Variants in FREM2 observed in about 807,000 individuals in gnomAD.
The protein encoded by FREM2 is FRAS1 related extracellular matrix 2.
In FREM2, 119 loss-of-function variants were observed where a neutral mutation model predicts 219.9. The observed-to-expected ratio is 0.54, with a 90% CI of 0.47 to 0.63. The LOEUF (loss-of-function observed/expected upper bound fraction) is 0.63, where lower values mean the gene tolerates loss of function less well. Among genes scored for constraint, FREM2 ranks in the 30% least tolerant of loss-of-function variants. The pLI, the probability that FREM2 is intolerant of heterozygous loss-of-function variation, is 0.00. For synonymous variants in FREM2, 1,562 were observed against 1,522.8 expected (o/e 1.03, Z -0.60); for missense variants, 4,030 against 3,993.6 (o/e 1.01, Z -0.25).
intron 17 of FREM2, 113 bp from the exon 18 acceptor site, chr13:38,874,369 T>C: frequency 1.2e-6 from 1 of 806,902 alleles, no homozygotes; most frequent in Middle Eastern, 2.5e-4. Flanking sequence ...ATAATACCCT[T>C]TGCCCAGAAT....
At chr13:38,794,580 T>C (rs1874694054) in intron 6 of FREM2, among the ~76,000 whole-genome samples, 1 of 152,184 alleles carries the variant, frequency 6.6e-6, no homozygotes, top group Non-Finnish European at 1.5e-5. Context: ...AGCTTTTTGG[T>C]CAAATTTTAT....
chr13:38,720,793 G>A (rs1213464567), intron 2 of FREM2, among the ~76,000 whole-genome samples: 1 of 152,210 alleles, frequency 6.6e-6, no homozygotes, highest in Admixed American at 6.5e-5. Flanking sequence ...ACTGAATCTA[G>A]ATAGGATGAG....
intron 2 of FREM2, among the ~76,000 whole-genome samples, chr13:38,739,752 G>A (rs7320181): frequency 0.059 from 8,918 of 152,194 alleles, 848 homozygotes; most frequent in African/African-American, 0.2. Context: ...TCTACACGGT[G>A]GTTCTAAGAG....
intron 2 of FREM2, among the ~76,000 whole-genome samples, chr13:38,737,160 A>G (rs2137775067): frequency 6.6e-6 from 1 of 152,236 alleles, no homozygotes; most frequent in African/African-American, 2.4e-5. Context: ...GGACTATGTC[A>G]CCTTCATTTT....
At chr13:38,833,986 A>C (rs908918811) in intron 6 of FREM2, among the ~76,000 whole-genome samples, 3 of 152,102 alleles carry the variant, frequency 2.0e-5, no homozygotes, top group African/African-American at 7.2e-5. Flanking sequence ...AGAGGAAAAA[A>C]TTTCAAAGCT....
rs1874256476 is a variant in FREM2, at chr13:38,784,711, G to A, written c.5922G>A (p.Glu1974=). The A allele has an allele frequency of 6.2e-7, 1 of 1,614,144 alleles. No homozygotes were observed. The highest frequency in any genetic ancestry group is 8.5e-7 in the Non-Finnish European group (1 of 1,179,998). Residue 1974 remains glutamate (E), a synonymous_variant, in exon 6 of 24, where the codon GAG becomes GAA. Coordinates refer to ENST00000280481, the MANE Select transcript of FREM2 (RefSeq NM_207361.6). The part of the protein sequence containing the change: ...VIIDDSLYEE[E]ETFHVLLSMP... ...TTGATGACTCTTTGTACGAGGAGGA[G>A]GAAACCTTCCATGTCCTTCTGAGCA...
At position 38,691,126 on chromosome 13, in the gene FREM2, C is replaced by T. The variant is rs766260880; in HGVS notation, c.3782C>T (p.Ser1261Phe). The stretch of plus-strand genomic sequence containing the variant: ...ACCTTGGATCAGATCATAGAGAGTT[C>T]CAGCATTATTTATGAGCATGATGAC... ...SFTLDQIIES[S>F]SIIYEHDDSE... Residue 1261 changes from serine (S) to phenylalanine (F), a missense_variant, in exon 1 of 24, where the codon TCC becomes TTC. Physicochemically the swap from Ser to Phe is radical, Grantham distance 155 (BLOSUM62 -2). Around this residue, in one of 2 missense-constraint regions of FREM2, gnomAD observed 3,102 missense variants for 2,950.7 expected, o/e 1.05. Transcript: ENST00000280481. The T allele has an allele frequency of 1.9e-6, 3 of 1,613,910 alleles. No individual in the cohort carries two copies. Among genetic ancestry groups the T allele is most frequent in the Non-Finnish European group, 2.5e-6 (3 of 1,179,982 alleles).
chr13:38,729,389 G>T (rs954407746), intron 2 of FREM2, among the ~76,000 whole-genome samples: 3 of 152,006 alleles, frequency 2.0e-5, no homozygotes, highest in Non-Finnish European at 4.4e-5. Context: ...CCACATTGCT[G>T]TCTAAAAAGA....
chr13:38,793,580 T>C (rs2496409), intron 6 of FREM2, among the ~76,000 whole-genome samples: 90,530 of 152,108 alleles, frequency 0.6, 27,368 homozygotes, highest in Non-Finnish European at 0.65. Context: ...AAAAGAGTTG[T>C]GTTTCATTCT....
chr13:38,852,395 G>A (rs1322850684), intron 11 of FREM2, among the ~76,000 whole-genome samples: 1 of 152,116 alleles, frequency 6.6e-6, no homozygotes, highest in East Asian at 1.9e-4. Context: ...TTGAGTAAAT[G>A]TGCTAAATAA....
intron 16 of FREM2, among the ~76,000 whole-genome samples, chr13:38,872,400 A>G (rs1331562906): frequency 6.6e-6 from 1 of 152,180 alleles, no homozygotes; most frequent in Non-Finnish European, 1.5e-5. Context: ...ACTAAGAACC[A>G]TTGAACTGTT....
intron 4 of FREM2, among the ~76,000 whole-genome samples, chr13:38,771,830 T>G (rs1217990520): frequency 2.6e-5 from 4 of 152,168 alleles, no homozygotes; most frequent in Admixed American, 1.3e-4. Context: ...AAAACAGCTT[T>G]TAATAAAATT....
chr13:38,818,320 G>C (rs1358409674), intron 6 of FREM2, among the ~76,000 whole-genome samples: 1 of 151,944 alleles, frequency 6.6e-6, no homozygotes, highest in African/African-American at 2.4e-5. Flanking sequence ...AAAAAATGTG[G>C]TATAAAAACC....
Position 38,691,645 on chromosome 13 carries a change from G to A in FREM2, c.4301G>A (p.Gly1434Asp), listed in dbSNP as rs1204987825. The change falls in exon 1 of 24, where the codon GGT becomes GAT. Residue 1434 changes from glycine (G) to aspartate (D), a missense_variant. Coordinates refer to ENST00000280481, the MANE Select transcript of FREM2 (RefSeq NM_207361.6). ...VISKGVSLKE[G>D]GKVTLTTDLL... is the part of the protein sequence containing the mutation. ...AGTAAGGGAGTGTCCTTGAAAGAAG[G>A]TGGCAAAGTCACTCTTACAACAGAC... The A allele has an allele frequency of 1.1e-5, 17 of 1,614,130 alleles. No individual in the cohort carries two copies. The highest frequency in any genetic ancestry group is 1.3e-5 in the African/African-American group (1 of 75,030).
chr13:38,870,808 GAGT>G (rs1878131654), intron 16 of FREM2, among the ~76,000 whole-genome samples: 2 of 152,174 alleles, frequency 1.3e-5, no homozygotes, highest in African/African-American at 4.8e-5. Context: ...CATAGGAAGT[GAGT>G]ATTAGTAATT....
At chr13:38,703,104 G>A (rs1298787881) in intron 2 of FREM2, among the ~76,000 whole-genome samples, 16 of 152,040 alleles carry the variant, frequency 1.1e-4, no homozygotes, top group Non-Finnish European at 8.8e-5. Flanking sequence ...AGAGACTACC[G>A]GAAGCCTTTC....
At chr13:38,694,840 A>G (rs1055884799) in intron 1 of FREM2, among the ~76,000 whole-genome samples, 1 of 152,172 alleles carries the variant, frequency 6.6e-6, no homozygotes, top group Non-Finnish European at 1.5e-5. Context: ...TCTAAATTGC[A>G]TGTCTCAAGT....
chr13:38,703,878 T>A (rs757371408), intron 2 of FREM2, among the ~76,000 whole-genome samples: 1 of 152,170 alleles, frequency 6.6e-6, no homozygotes, highest in African/African-American at 2.4e-5. Context: ...TCAGAACAAA[T>A]GATAGTCACC....
rs374124601 is a variant in FREM2, at chr13:38,880,392, A to G, written c.9115A>G (p.Ser3039Gly). 1 of 1,614,102 alleles carries G rather than the reference A, an allele frequency of 6.2e-7. No homozygotes were observed. Among genetic ancestry groups the G allele is most frequent in the Non-Finnish European group, 8.5e-7 (1 of 1,180,014 alleles). ...AAGTGTGGAGTACCATTCTCTGGTG[A>G]GTCAAGGAAAGCCCCAATCCACCAC... is the stretch of plus-strand genomic sequence containing the variant. ...KRSVEYHSLV[S>G]QGKPQSTTKS... Residue 3039 changes from serine to glycine, a missense_variant, in exon 24 of 24, where the codon AGT becomes GGT. Physicochemically the swap from Ser to Gly is moderately conservative, Grantham distance 56 (BLOSUM62 0). This residue lies in a region of FREM2 where 928 missense variants were observed against 1,042.9 expected (regional missense o/e 0.89). Transcript: ENST00000280481.
Sources: gnomAD v4.1 joint callset for allele counts (sites outside exome capture counted in the v4.1 genomes callset) on GRCh38, gnomAD v4.1.1 for gene constraint, gnomAD v4.1.1 regional missense constraint, MANE v1.5 for transcripts, NCBI Gene and HGNC (gene_info 2026-07-23, HGNC 2026-07-21) for gene names.